COL28A1: variants seen among roughly 807,000 people sequenced by gnomAD.
COL28A1 encodes the protein collagen type XXVIII alpha 1 chain.
Under a neutral mutation model 150.2 loss-of-function variants are expected in COL28A1, and 161 were observed. That is an observed-to-expected ratio of 1.07 (90% CI 0.94 to 1.22). The LOEUF is 1.22. COL28A1 is among the 50% of genes most tolerant of loss of function. The pLI is 0.00. For missense variants in COL28A1, 1,617 were observed against 1,388.3 expected (o/e 1.16, Z -2.62); for synonymous variants, 552 against 469.7 (o/e 1.18, Z -2.26).
At chr7:7,348,269 C>T in the COL28A1 span, among the ~76,000 whole-genome samples, 10 of 151,984 alleles carry the variant, frequency 6.6e-5, no homozygotes, top group African/African-American at 1.9e-4. Flanking sequence ...CTATGAGTTA[C>T]GTAGTGTAAG....
At chr7:7,460,610 C>T (rs1216989164) in intron 15 of COL28A1, among the ~76,000 whole-genome samples, 3 of 152,108 alleles carry the variant, frequency 2.0e-5, no homozygotes, top group Non-Finnish European at 4.4e-5. Context: ...TCTCGATCTC[C>T]TGACCTCGTG....
chr7:7,434,283 T>G (rs1255357523), intron 23 of COL28A1, among the ~76,000 whole-genome samples: 1 of 152,206 alleles, frequency 6.6e-6, no homozygotes, highest in Non-Finnish European at 1.5e-5. Flanking sequence ...CCCATGGTCT[T>G]CAGGACAGGT....
chr7:7,512,716 A>G (rs1781213913), intron 8 of COL28A1, among the ~76,000 whole-genome samples: 1 of 152,198 alleles, frequency 6.6e-6, no homozygotes, highest in African/African-American at 2.4e-5. Flanking sequence ...TTTTATATAT[A>G]TCGTTATTTT....
chr7:7,350,327 C>G, the COL28A1 span, among the ~76,000 whole-genome samples: 3 of 152,108 alleles, frequency 2.0e-5, no homozygotes, highest in Non-Finnish European at 1.5e-5. Context: ...GTGCCATTCA[C>G]AGAGAGATGG....
At chr7:7,363,362 T>A (rs73038783) in intron 33 of COL28A1, among the ~76,000 whole-genome samples, 4,529 of 152,330 alleles carry the variant, frequency 0.03, 110 homozygotes, top group Non-Finnish European at 0.046. Flanking sequence ...CATTTGGAAA[T>A]TTTGATATCT....
Position 7,507,158 on chromosome 7 carries a change from A to T in COL28A1, c.931T>A (p.Ser311Thr), listed in dbSNP as rs769919632. ...CCCTTTGGTCCATATGGCCCTGGGG[A>T]TCCCTGTGGAATAAAATTGAAAATA... is the stretch of plus-strand genomic sequence containing the variant. ...GKPGIKGDKG[S>T]PGPYGPKGPR... is the part of the protein sequence containing the mutation. The change falls in exon 10 of 35, where the codon TCC becomes ACC. Residue 311 changes from serine to threonine, a missense_variant. By Grantham distance (58) the Ser-to-Thr change is moderately conservative. Transcript: ENST00000399429. 3.3e-6 allele frequency: 4 copies of T among 1,216,198 alleles called. No homozygotes were observed. In the African/African-American group the frequency reaches 6.0e-5, roughly 18 times the overall value. 75.3% of individuals were successfully genotyped at this position (1,216,198 alleles called of 1,614,324 possible).
chr7:7,415,314 A>C (rs1376344273), intron 27 of COL28A1, among the ~76,000 whole-genome samples: 2 of 152,220 alleles, frequency 1.3e-5, no homozygotes, highest in African/African-American at 4.8e-5. Flanking sequence ...TAAGAAATGA[A>C]ATTTTACTGT....
chr7:7,504,408 G>A (rs1780696858), intron 11 of COL28A1, among the ~76,000 whole-genome samples: 1 of 152,186 alleles, frequency 6.6e-6, no homozygotes, highest in African/African-American at 2.4e-5. Context: ...GGCTGAGGCA[G>A]GAGAATCACT....
chr7:7,389,224 G>C (rs924774399), intron 27 of COL28A1, among the ~76,000 whole-genome samples: 3 of 152,086 alleles, frequency 2.0e-5, no homozygotes, highest in African/African-American at 7.2e-5. Context: ...TGACTAGCCA[G>C]TTTTCCCAAC....
intron 11 of COL28A1, among the ~76,000 whole-genome samples, chr7:7,501,972 A>G (rs1490303418): frequency 6.6e-6 from 1 of 152,034 alleles, no homozygotes; most frequent in African/African-American, 2.4e-5. Context: ...CTTGGCTCAC[A>G]GCAACCTCTG....
At chr7:7,409,731 C>A (rs1426735972) in intron 27 of COL28A1, among the ~76,000 whole-genome samples, 1 of 152,154 alleles carries the variant, frequency 6.6e-6, no homozygotes, top group Non-Finnish European at 1.5e-5. Context: ...GTAGGGCACC[C>A]TATTTAATTC....
intron 27 of COL28A1, among the ~76,000 whole-genome samples, chr7:7,387,870 G>C (rs1485896880): frequency 6.6e-6 from 1 of 152,156 alleles, no homozygotes; most frequent in Admixed American, 6.5e-5. Context: ...GAGCCCAAAG[G>C]CTAAAAGAAA....
At chr7:7,486,122 C>G (rs1779612633) in intron 13 of COL28A1, among the ~76,000 whole-genome samples, 1 of 152,110 alleles carries the variant, frequency 6.6e-6, no homozygotes, top group African/African-American at 2.4e-5. Flanking sequence ...TCTCTGATTT[C>G]TTTCATCAGT....
At chr7:7,500,221 T>C (rs1780443759) in intron 11 of COL28A1, among the ~76,000 whole-genome samples, 1 of 152,238 alleles carries the variant, frequency 6.6e-6, no homozygotes, top group Non-Finnish European at 1.5e-5. Flanking sequence ...GACCTCAATA[T>C]TGCCAAATTA....
chr7:7,471,327 C>G (rs1335942997), intron 15 of COL28A1, among the ~76,000 whole-genome samples: 7 of 151,972 alleles, frequency 4.6e-5, no homozygotes, highest in African/African-American at 1.5e-4. Flanking sequence ...TGACACTATT[C>G]CACAAGATAG....
chr7:7,505,617 T>C (rs1237236843), intron 11 of COL28A1, among the ~76,000 whole-genome samples: 2 of 152,318 alleles, frequency 1.3e-5, no homozygotes, highest in South Asian at 4.1e-4. Context: ...ATAACAACTG[T>C]AAATTTCCTT....
intron 27 of COL28A1, among the ~76,000 whole-genome samples, chr7:7,391,797 C>T (rs2075044443): frequency 1.9e-5 from 2 of 107,644 alleles, no homozygotes; most frequent in African/African-American, 6.4e-5. Flanking sequence ...GATTGCAACC[C>T]CTGCTTTTTT....
chr7:7,340,682 T>A, the COL28A1 span, among the ~76,000 whole-genome samples: 4 of 152,016 alleles, frequency 2.6e-5, no homozygotes, highest in Non-Finnish European at 4.4e-5. Flanking sequence ...TCTTGATTCA[T>A]CTCTAATCTG....
chr7:7,511,029 C>T, intron 9 of COL28A1, 62 bp downstream of exon 9: 4 of 1,375,918 alleles, frequency 2.9e-6, no homozygotes, highest in African/African-American at 2.9e-5. Flanking sequence ...GGAATTTCCC[C>T]TTAAGGAAAC....
Sources: gnomAD v4.1 joint callset for allele counts (sites outside exome capture counted in the v4.1 genomes callset) on GRCh38, gnomAD v4.1.1 for gene constraint, MANE v1.5 for transcripts, NCBI Gene and HGNC (gene_info 2026-07-23, HGNC 2026-07-21) for gene names.